Variants in DGLUCY observed in about 807,000 individuals in gnomAD.
DGLUCY encodes the protein D-glutamate cyclase, also known as D-glutamate cyclase, mitochondrial.
In DGLUCY, 58 loss-of-function variants were observed where a neutral mutation model predicts 58.5. The ratio of observed to expected loss-of-function variants is 0.99; its 90% CI spans 0.80 to 1.23. The LOEUF is 1.23. Ranked by LOEUF, DGLUCY falls within the 50% of genes most tolerant of loss-of-function variation. The probability of loss-of-function intolerance (pLI) is 0.00; values close to 1 mark genes in which losing one functional copy is unlikely to be tolerated. For synonymous variants in DGLUCY, 325 were observed against 314.1 expected, an observed-to-expected ratio of 1.03 and a Z score of -0.37; for missense variants, 779 against 784.7, an observed-to-expected ratio of 0.99 and a Z score of 0.09.
At chr14:91,066,400 A>G (rs1042266515) in intron 1 of DGLUCY, among the ~76,000 whole-genome samples, 1 of 151,758 alleles carries the variant, frequency 6.6e-6, no homozygotes, top group African/African-American at 2.4e-5. Context: ...AAAAAAAAAA[A>G]AAAAAGAAGG....
intron 1 of DGLUCY, among the ~76,000 whole-genome samples, chr14:91,067,035 T>C (rs1292718954): frequency 1.2e-4 from 17 of 139,364 alleles, no homozygotes; most frequent in Non-Finnish European, 1.8e-4. Context: ...GAGCCCAGAT[T>C]GCACCACTGC....
chr14:91,091,384 C>T (rs1466525176), intron 1 of DGLUCY, among the ~76,000 whole-genome samples: 1 of 151,872 alleles, frequency 6.6e-6, no homozygotes, highest in Non-Finnish European at 1.5e-5. Context: ...TAGCCAGGCG[C>T]GGTGGCAGGT....
chr14:91,150,031 C>T (rs1488295633), intron 1 of DGLUCY, among the ~76,000 whole-genome samples: 1 of 151,724 alleles, frequency 6.6e-6, no homozygotes, highest in Admixed American at 6.6e-5. Flanking sequence ...CCAGCCTGGC[C>T]AATATGGTGA....
At chr14:91,197,992 T>G (rs1407628409) in intron 10 of DGLUCY, among the ~76,000 whole-genome samples, 3 of 152,178 alleles carry the variant, frequency 2.0e-5, no homozygotes, top group Non-Finnish European at 4.4e-5. Context: ...AGAGTTGAGA[T>G]TTTTGAAAAA....
chr14:91,100,531 A>G (rs2044467676), intron 1 of DGLUCY, among the ~76,000 whole-genome samples: 1 of 152,200 alleles, frequency 6.6e-6, no homozygotes, highest in African/African-American at 2.4e-5. Flanking sequence ...AAGGTGTACC[A>G]TACTCTGATT....
intron 2 of DGLUCY, among the ~76,000 whole-genome samples, chr14:91,159,383 G>T (rs1482285624): frequency 6.6e-6 from 1 of 152,144 alleles, no homozygotes. Context: ...GGAGGCGGAA[G>T]TTGCACTGAG....
At chr14:91,191,431 A>T (rs1292328191) in intron 9 of DGLUCY, among the ~76,000 whole-genome samples, 1 of 152,184 alleles carries the variant, frequency 6.6e-6, no homozygotes. Context: ...TACACTTGAA[A>T]ATGGCTAAAA....
At chr14:91,105,280 A>C (rs1403084311), upstream of DGLUCY, among the ~76,000 whole-genome samples, 1 of 151,994 alleles carries the variant, frequency 6.6e-6, no homozygotes, top group Non-Finnish European at 1.5e-5. Context: ...TCACCACTGC[A>C]CTCCAGCCTG....
intron 9 of DGLUCY, among the ~76,000 whole-genome samples, chr14:91,192,317 GAGTGGTGGTTGCC>G (rs2049949624): frequency 6.6e-6 from 1 of 152,214 alleles, no homozygotes; most frequent in African/African-American, 2.4e-5. Context: ...GCAGAAAGTA[GAGTGGTGGTTGCC>G]AGTGGCTGGG....
rs151056692 is a variant in DGLUCY, at chr14:91,199,793, A to C, written c.1332A>C (p.Arg444Ser). 39 of 1,614,182 alleles carry C rather than the reference A, an allele frequency of 2.4e-5. No individual in the cohort carries two copies. In the African/African-American group the frequency reaches 5.1e-4, roughly 21 times the overall value. Reference sequence around the variant, plus strand: ...TGGTGGCCATAGAGCGTGCCGGAAGAGCTGCTGATGGCAATTACTACAATG... The same window carrying C: ...TGGTGGCCATAGAGCGTGCCGGAAGCGCTGCTGATGGCAATTACTACAATG... ...DHLVAIERAG[R>S]AADGNYYNAR... is the part of the protein sequence containing the mutation. The change falls in exon 11 of 14, where the codon AGA becomes AGC. Residue 444 changes from arginine to serine, a missense_variant. By Grantham distance (110) the Arg-to-Ser change is moderately radical. Coordinates refer to ENST00000256324, the MANE Select transcript of DGLUCY (RefSeq NM_001102368.3).
intron 1 of DGLUCY, among the ~76,000 whole-genome samples, chr14:91,067,885 C>T (rs984541541): frequency 1.3e-5 from 2 of 152,070 alleles, no homozygotes; most frequent in African/African-American, 4.8e-5. Context: ...TTGACCCTGT[C>T]AGTACCTTTG....
In DGLUCY at chr14:91,175,955, T is replaced by C. The variant is rs757486874; in HGVS notation, c.629T>C (p.Leu210Pro). ...GCAGAACTGTTGGGAATCAAAGAGCTTTCCAAACCTGCCTACGGGGATGCC... is the reference window on the plus strand; with the variant it reads ...GCAGAACTGTTGGGAATCAAAGAGCCTTCCAAACCTGCCTACGGGGATGCC... The part of the protein sequence containing the change: ...GDPELLGIKE[L>P]SKPAYGDAMV... The change falls in exon 7 of 14, where the codon CTT becomes CCT. Residue 210 changes from leucine (L) to proline (P), a missense_variant. Leu to Pro is a moderately conservative substitution (Grantham distance 98). Transcript: ENST00000256324. The C allele has an allele frequency of 3.7e-6, 6 of 1,613,852 alleles. No homozygotes were observed. Among genetic ancestry groups the C allele is most frequent in the South Asian group, 1.1e-5 (1 of 91,096 alleles).
chr14:91,147,016 G>C (rs1317204035), intron 1 of DGLUCY, among the ~76,000 whole-genome samples: 3 of 152,022 alleles, frequency 2.0e-5, no homozygotes, highest in Admixed American at 6.6e-5. Flanking sequence ...GTCCCCAGAG[G>C]CTTCTCACTG....
At chr14:91,101,217 TG>T (rs1371759591) in intron 1 of DGLUCY, among the ~76,000 whole-genome samples, 8 of 152,198 alleles carry the variant, frequency 5.3e-5, no homozygotes, top group Non-Finnish European at 8.8e-5. Flanking sequence ...GGTACAACGC[TG>T]GGCAGAAGAT....
chr14:91,064,205 T>A (rs1259594995), intron 1 of DGLUCY, among the ~76,000 whole-genome samples: 1 of 152,010 alleles, frequency 6.6e-6, no homozygotes, highest in African/African-American at 2.4e-5. Context: ...TTTTGAGACA[T>A]CCAGGGCCAA....
intron 13 of DGLUCY, among the ~76,000 whole-genome samples, chr14:91,223,239 A>G (rs576809109): frequency 4.6e-5 from 7 of 152,278 alleles, no homozygotes; most frequent in East Asian, 3.9e-4. Flanking sequence ...TGTGAACCCC[A>G]TGGGGGCAGG....
intron 1 of DGLUCY, among the ~76,000 whole-genome samples, chr14:91,074,355 T>C (rs1337879751): frequency 1.3e-5 from 2 of 149,034 alleles, no homozygotes; most frequent in Non-Finnish European, 3.0e-5. Context: ...GGCATGTACC[T>C]ATAGTCCTAG....
At chr14:91,169,264 A>G (rs1367374621) in intron 4 of DGLUCY, among the ~76,000 whole-genome samples, 1 of 152,136 alleles carries the variant, frequency 6.6e-6, no homozygotes, top group Non-Finnish European at 1.5e-5. Flanking sequence ...TCAACCCTAC[A>G]GAAGAGTTTC....
chr14:91,207,870 C>T (rs1885021998), intron 12 of DGLUCY, among the ~76,000 whole-genome samples: 1 of 152,148 alleles, frequency 6.6e-6, no homozygotes, highest in South Asian at 2.1e-4. Flanking sequence ...CCTCAGCCTC[C>T]CGAGTAGCTG....
Sources: gnomAD v4.1 joint callset for allele counts (sites outside exome capture counted in the v4.1 genomes callset) on GRCh38, gnomAD v4.1.1 for gene constraint, MANE v1.5 for transcripts, NCBI Gene and HGNC (gene_info 2026-07-23, HGNC 2026-07-21) for gene names.